Variants in SPOCK3 observed in about 807,000 individuals in gnomAD.
SPOCK3 encodes SPARC (osteonectin), cwcv and kazal like domains proteoglycan 3.
A neutral mutation model predicts 56.6 loss-of-function variants in SPOCK3; 30 were observed. The observed-to-expected ratio is 0.53, with a 90% CI of 0.40 to 0.72. The LOEUF is 0.72. Ranked by LOEUF, SPOCK3 falls within the 30% of genes least tolerant of loss-of-function variation. The pLI is 0.00. For synonymous variants in SPOCK3, 196 were observed against 183.3 expected (o/e 1.07, Z -0.56); for missense variants, 527 against 530.0 (o/e 0.99, Z 0.06).
chr4:167,135,385 C>T (rs926677936), intron 2 of SPOCK3, among the ~76,000 whole-genome samples: 12 of 152,060 alleles, frequency 7.9e-5, no homozygotes, highest in Non-Finnish European at 1.6e-4. Flanking sequence ...CCAGTCTTAC[C>T]ATTTTTAATA....
chr4:166,961,830 T>C (rs1193585879), intron 4 of SPOCK3, among the ~76,000 whole-genome samples: 1 of 152,182 alleles, frequency 6.6e-6, no homozygotes, highest in African/African-American at 2.4e-5. Context: ...CAAAATCTTC[T>C]GCCTCACTTA....
chr4:166,781,477 G>T (rs1003911474), intron 7 of SPOCK3, among the ~76,000 whole-genome samples: 1 of 151,930 alleles, frequency 6.6e-6, no homozygotes, highest in Admixed American at 6.6e-5. Flanking sequence ...GAAGAAGAAG[G>T]TGAAAAGGAG....
chr4:167,221,678 G>A (rs1346090918), intron 2 of SPOCK3, among the ~76,000 whole-genome samples: 13 of 152,132 alleles, frequency 8.5e-5, no homozygotes, highest in Admixed American at 8.5e-4. Context: ...TGCTGTACAA[G>A]TGGCTAACAA....
intron 5 of SPOCK3, among the ~76,000 whole-genome samples, chr4:166,910,243 A>G (rs1737119581): frequency 6.6e-6 from 1 of 152,202 alleles, no homozygotes; most frequent in South Asian, 2.1e-4. Flanking sequence ...ATGATGATTT[A>G]GGGTTATTAA....
Position 166,788,333 on chromosome 4 carries a change from T to A in SPOCK3, c.709+3837A>T, listed in dbSNP as rs571918148. Among the ~76,000 whole-genome samples, 22 of 152,300 alleles carry A rather than the reference T, an allele frequency of 1.4e-4. No homozygotes were observed. In the South Asian group the frequency reaches 3.9e-3, roughly 27 times the overall value. ...AAAATCTCCAAGAACTTTTGGCAAT[T>A]TAAAATGTTAGAGGTATGTTAGATT... On this transcript the variant is annotated intron_variant, in intron 7 of 10. Transcript: ENST00000357545.
intron 3 of SPOCK3, among the ~76,000 whole-genome samples, chr4:167,038,495 G>T (rs17052925): frequency 0.024 from 3,663 of 151,826 alleles, 148 homozygotes; most frequent in African/African-American, 0.083. Flanking sequence ...CACTCCACAC[G>T]TCCCAGAATC....
chr4:167,177,823 G>A (rs1320278007), intron 2 of SPOCK3, among the ~76,000 whole-genome samples: 1 of 152,114 alleles, frequency 6.6e-6, no homozygotes, highest in Non-Finnish European at 1.5e-5. Context: ...GATGTTCTGT[G>A]AGATTTCTTT....
chr4:166,806,245 C>G (rs994286107), intron 6 of SPOCK3, among the ~76,000 whole-genome samples: 1 of 152,038 alleles, frequency 6.6e-6, no homozygotes, highest in African/African-American at 2.4e-5. Context: ...TCAAATACTT[C>G]ACATGGCTCA....
intron 2 of SPOCK3, among the ~76,000 whole-genome samples, chr4:167,082,720 C>T (rs1554033247): frequency 8.0e-6 from 1 of 124,568 alleles, no homozygotes; most frequent in Non-Finnish European, 1.6e-5. Flanking sequence ...AAAAGACTGC[C>T]ATGTTGGAGG....
chr4:167,222,800 G>T (rs1214496816), intron 2 of SPOCK3, among the ~76,000 whole-genome samples: 2 of 112,810 alleles, frequency 1.8e-5, no homozygotes, highest in South Asian at 2.6e-4. Context: ...GATATATATT[G>T]ATATATGAAT....
Position 167,151,247 on chromosome 4 carries a change from T to A in SPOCK3, c.189+82738A>T, listed in dbSNP as rs116009775. On this transcript the variant is annotated intron_variant, in intron 2 of 10. Transcript: ENST00000357545. ...GTAGTCGAGTTAAAATTCATTACTC[T>A]AAATTGAAGAAATGACGCTCTAAGG... Among the ~76,000 whole-genome samples the A allele has an allele frequency of 8.0e-3, 1,218 of 152,264 alleles. 13 individuals carry two copies. The highest frequency in any genetic ancestry group is 0.027 in the African/African-American group (1,142 of 41,542).
Position 167,222,736 on chromosome 4 carries a change from AATAT to A in SPOCK3, c.189+11245_189+11248del, listed in dbSNP as rs1561341146. Reference sequence around the variant, plus strand: ...ATATATATTGATATATGAATATATAAATATATAAACATAGATATATATTGATATA... The same window carrying A: ...ATATATATTGATATATGAATATATAAATAAACATAGATATATATTGATATA... On this transcript the variant is annotated intron_variant, in intron 2 of 10. Transcript: ENST00000357545. Among the ~76,000 whole-genome samples, 24 of 131,178 alleles carry A rather than the reference AATAT, an allele frequency of 1.8e-4. 1 individual carries two copies. In the South Asian group the frequency reaches 5.0e-3, roughly 28 times the overall value. The allele number at this position is 131,178 out of a possible 152,430, so 86.1% of individuals were successfully genotyped here.
At chr4:167,182,904 T>A (rs1268962658) in intron 2 of SPOCK3, among the ~76,000 whole-genome samples, 1 of 152,200 alleles carries the variant, frequency 6.6e-6, no homozygotes, top group African/African-American at 2.4e-5. Flanking sequence ...GTCTTTGTAC[T>A]CATATCCTGT....
chr4:166,839,477 TAAGAG>T (rs1319852107), intron 6 of SPOCK3, among the ~76,000 whole-genome samples: 1 of 152,064 alleles, frequency 6.6e-6, no homozygotes, highest in African/African-American at 2.4e-5. Flanking sequence ...TAGCACAGGG[TAAGAG>T]AAGAGGGCAA....
rs537852893 is a variant in SPOCK3, at chr4:166,856,971, C to A, written c.589+32159G>T. 3.3e-5 allele frequency among the ~76,000 whole-genome samples: 5 copies of A among 152,172 alleles called. No homozygotes were observed. The South Asian group carries it at 1.0e-3, about 32-fold the overall frequency. On this transcript the variant is annotated intron_variant, in intron 6 of 10. Transcript: ENST00000357545. Reference sequence around the variant, plus strand: ...TCTTTGGCAGTTTGATTTTCTAATTCTACAAAGCCATGCCTGGATTCCTAC... The same window carrying A: ...TCTTTGGCAGTTTGATTTTCTAATTATACAAAGCCATGCCTGGATTCCTAC...
intron 2 of SPOCK3, among the ~76,000 whole-genome samples, chr4:167,162,866 C>T (rs981150517): frequency 4.0e-5 from 6 of 151,774 alleles, no homozygotes; most frequent in South Asian, 4.2e-4. Context: ...GTTTAGTATG[C>T]AAAATTATAG....
At chr4:167,216,446 TTATCTACAAGAC>T (rs1411181954) in intron 2 of SPOCK3, among the ~76,000 whole-genome samples, 8 of 152,034 alleles carry the variant, frequency 5.3e-5, no homozygotes, top group African/African-American at 1.9e-4. Flanking sequence ...AACATGAAGG[TTATCTACAAGAC>T]TAGCCTAAGG....
intron 2 of SPOCK3, among the ~76,000 whole-genome samples, chr4:167,142,782 T>C (rs1409441286): frequency 6.6e-6 from 1 of 151,982 alleles, no homozygotes; most frequent in Non-Finnish European, 1.5e-5. Context: ...ACAATAATGC[T>C]CAAAAATGAA....
intron 2 of SPOCK3, among the ~76,000 whole-genome samples, chr4:167,220,836 T>C (rs777621231): frequency 1.3e-5 from 2 of 152,156 alleles, no homozygotes; most frequent in Non-Finnish European, 2.9e-5. Flanking sequence ...TTGAACAGTA[T>C]GTGATTTGAA....
Sources: gnomAD v4.1 joint callset for allele counts (sites outside exome capture counted in the v4.1 genomes callset) on GRCh38, gnomAD v4.1.1 for gene constraint, MANE v1.5 for transcripts, NCBI Gene and HGNC (gene_info 2026-07-23, HGNC 2026-07-21) for gene names.